The following CTNNA3 variants were observed in gnomAD, a reference collection of about 807,000 sequenced individuals.
CTNNA3 encodes catenin alpha 3, also known as catenin alpha-3.
Under a neutral mutation model 95.7 loss-of-function variants are expected in CTNNA3, and 76 were observed. That is an observed-to-expected ratio of 0.79 (90% CI 0.66 to 0.96). CTNNA3 has a LOEUF of 0.96. Among genes scored for constraint, CTNNA3 ranks in the 40% least tolerant of loss-of-function variants. The pLI, the probability that CTNNA3 is intolerant of heterozygous loss-of-function variation, is 0.00. For synonymous variants in CTNNA3, 431 were observed against 374.4 expected (o/e 1.15, Z -1.74); for missense variants, 1,191 against 1,089.8 (o/e 1.09, Z -1.31).
intron 11 of CTNNA3, among the ~76,000 whole-genome samples, chr10:66,472,300 A>T (rs1839165000): frequency 6.6e-6 from 1 of 151,858 alleles, no homozygotes; most frequent in African/African-American, 2.4e-5. Context: ...AGATTTGGGC[A>T]GTGTGTTCTA....
intron 11 of CTNNA3, among the ~76,000 whole-genome samples, chr10:66,398,636 G>A (rs912797522): frequency 3.3e-5 from 5 of 151,712 alleles, no homozygotes; most frequent in African/African-American, 1.2e-4. Flanking sequence ...GGTACAGTAT[G>A]GAAAAGATAG....
intron 5 of CTNNA3, among the ~76,000 whole-genome samples, chr10:67,495,549 C>T (rs1838998077): frequency 6.6e-6 from 1 of 152,108 alleles, no homozygotes; most frequent in Non-Finnish European, 1.5e-5. Flanking sequence ...TAGTGGTAGA[C>T]CAGCACAAAA....
chr10:66,321,439 G>A (rs2092184137), intron 12 of CTNNA3, among the ~76,000 whole-genome samples: 1 of 152,018 alleles, frequency 6.6e-6, no homozygotes, highest in South Asian at 2.1e-4. Flanking sequence ...ACTTAACTGT[G>A]CAATTAAAGT....
chr10:67,600,021 G>A (rs1320600086), intron 3 of CTNNA3, among the ~76,000 whole-genome samples: 1 of 152,094 alleles, frequency 6.6e-6, no homozygotes, highest in Non-Finnish European at 1.5e-5. Context: ...TCATATTCAT[G>A]TAAGAGCACC....
At chr10:67,531,787 T>G (rs1403905353) in intron 4 of CTNNA3, among the ~76,000 whole-genome samples, 1 of 152,180 alleles carries the variant, frequency 6.6e-6, no homozygotes, top group Non-Finnish European at 1.5e-5. Flanking sequence ...AAATCTCATC[T>G]TGAATTGTAA....
At chr10:66,691,602 G>C (rs1357927422) in intron 9 of CTNNA3, among the ~76,000 whole-genome samples, 1 of 152,184 alleles carries the variant, frequency 6.6e-6, no homozygotes, top group South Asian at 2.1e-4. Flanking sequence ...GCTCTGAAGA[G>C]AGCAGTGGTT....
chr10:67,573,074 G>C (rs1842027878), intron 3 of CTNNA3, among the ~76,000 whole-genome samples: 1 of 152,148 alleles, frequency 6.6e-6, no homozygotes, highest in South Asian at 2.1e-4. Flanking sequence ...GGGTGACAGA[G>C]TGAGACCCTG....
At chr10:66,783,504 C>G (rs1375799519) in intron 7 of CTNNA3, among the ~76,000 whole-genome samples, 1 of 152,048 alleles carries the variant, frequency 6.6e-6, no homozygotes, top group African/African-American at 2.4e-5. Context: ...TTTTGTGATG[C>G]CTGACCCAGC....
intron 7 of CTNNA3, among the ~76,000 whole-genome samples, chr10:67,143,541 T>A (rs1860695714): frequency 6.6e-6 from 1 of 152,042 alleles, no homozygotes; most frequent in South Asian, 2.1e-4. Flanking sequence ...CTGCCACTGT[T>A]TTTTCAACTA....
intron 15 of CTNNA3, among the ~76,000 whole-genome samples, chr10:66,012,296 CTTG>C (rs2079019477): frequency 6.6e-6 from 1 of 152,002 alleles, no homozygotes; most frequent in African/African-American, 2.4e-5. Flanking sequence ...TGATAAAATA[CTTG>C]TTGGTGTGGG....
At chr10:66,849,955 A>G (rs1843423474) in intron 7 of CTNNA3, among the ~76,000 whole-genome samples, 2 of 144,936 alleles carry the variant, frequency 1.4e-5, no homozygotes, top group African/African-American at 5.1e-5. Context: ...AAAGCTGTGT[A>G]TGGAAATTTG....
At chr10:66,714,175 A>G (rs1325157378) in intron 9 of CTNNA3, among the ~76,000 whole-genome samples, 1 of 152,136 alleles carries the variant, frequency 6.6e-6, no homozygotes, top group African/African-American at 2.4e-5. Flanking sequence ...ATTTACCTCA[A>G]ACTTTTCCTA....
chr10:67,073,145 CT>C (rs772421778), intron 7 of CTNNA3, among the ~76,000 whole-genome samples: 33 of 152,254 alleles, frequency 2.2e-4, no homozygotes, highest in Non-Finnish European at 3.1e-4. Flanking sequence ...AATTTTAGTT[CT>C]TTTAGTCCTT....
chr10:65,927,833 G>C (rs1243345849), intron 17 of CTNNA3, among the ~76,000 whole-genome samples: 1 of 152,064 alleles, frequency 6.6e-6, no homozygotes, highest in Non-Finnish European at 1.5e-5. Context: ...ACTATGTTCT[G>C]TTGTTAAGTA....
intron 12 of CTNNA3, among the ~76,000 whole-genome samples, chr10:66,293,667 C>CTTTTTTT (rs11374911): frequency 7.2e-6 from 1 of 138,394 alleles, no homozygotes; most frequent in African/African-American, 2.7e-5. Context: ...TTTTTTCTTT[C>CTTTTTTT]TTTTTTTTTT....
chr10:65,971,438 G>GA (rs1001707514), intron 16 of CTNNA3, among the ~76,000 whole-genome samples: 1 of 135,184 alleles, frequency 7.4e-6, no homozygotes, highest in African/African-American at 2.8e-5. Context: ...GATTAACAAA[G>GA]AAAAAAAGAG....
rs770427531 is a variant in CTNNA3, at chr10:66,069,296, C to T, written c.2159+12G>A. On this transcript the variant is annotated intron_variant, in intron 15 of 17. Coordinates refer to ENST00000433211, the MANE Select transcript of CTNNA3 (RefSeq NM_013266.4). Reference sequence around the variant, plus strand: ...CATTATGAATATTACACATCGTTTTCCACATAATTACCTAGTGAAGTCTGT... The same window carrying T: ...CATTATGAATATTACACATCGTTTTTCACATAATTACCTAGTGAAGTCTGT... 19 of 1,610,152 alleles carry T rather than the reference C, an allele frequency of 1.2e-5. No homozygotes were observed. Among genetic ancestry groups the T allele is most frequent in the Non-Finnish European group, 1.5e-5 (18 of 1,176,960 alleles).
chr10:66,503,967 T>A (rs1361440773), intron 11 of CTNNA3, among the ~76,000 whole-genome samples: 1 of 152,172 alleles, frequency 6.6e-6, no homozygotes, highest in Non-Finnish European at 1.5e-5. Flanking sequence ...GTGTACAACA[T>A]GATGTTTTGA....
At chr10:67,204,797 C>T (rs1863817592) in intron 6 of CTNNA3, among the ~76,000 whole-genome samples, 1 of 151,690 alleles carries the variant, frequency 6.6e-6, no homozygotes, top group East Asian at 1.9e-4. Flanking sequence ...AATTAATCTC[C>T]TTGAAAATTC....
Sources: allele counts gnomAD v4.1 joint callset (sites outside exome capture counted in the v4.1 genomes callset), GRCh38; gene constraint gnomAD v4.1.1; transcripts MANE v1.5; gene names NCBI Gene and HGNC (gene_info 2026-07-23, HGNC 2026-07-21).